The following SLC16A6 variants were observed in gnomAD, a reference collection of about 807,000 sequenced individuals.
SLC16A6 encodes monocarboxylate transporter 7.
In SLC16A6, 15 loss-of-function variants were observed where a neutral mutation model predicts 33.8. The ratio of observed to expected loss-of-function variants is 0.44; its 90% CI spans 0.30 to 0.68. The LOEUF is 0.68. Ranked by LOEUF, SLC16A6 falls within the 30% of genes least tolerant of loss-of-function variation. SLC16A6 has a pLI of 0.10. For missense variants in SLC16A6, 451 were observed against 661.5 expected, an observed-to-expected ratio of 0.68 and a Z score of 3.49; for synonymous variants, 219 against 248.4, an observed-to-expected ratio of 0.88 and a Z score of 1.11.
Position 68,289,799 on chromosome 17 carries a change from G to A in SLC16A6, c.-8+1287C>T, listed in dbSNP as rs143287296. 3.4e-3 allele frequency among the ~76,000 whole-genome samples: 521 copies of A among 152,110 alleles called. 2 individuals are homozygous for A. Among genetic ancestry groups the A allele is most frequent in the African/African-American group, 0.012 (499 of 41,498 alleles). On this transcript the variant is annotated intron_variant, in intron 1 of 5. Coordinates refer to ENST00000580666, the MANE Select transcript of SLC16A6 (RefSeq NM_004694.5). ...GTTCCACTGAGGAAAGTCCTTTTTCGGAAACCACAGAAGGAAAACTCAGGG... is the reference window on the plus strand; with the variant it reads ...GTTCCACTGAGGAAAGTCCTTTTTCAGAAACCACAGAAGGAAAACTCAGGG...
intron 1 of SLC16A6, among the ~76,000 whole-genome samples, chr17:68,288,763 T>C (rs1259921572): frequency 6.6e-6 from 1 of 152,244 alleles, no homozygotes; most frequent in Non-Finnish European, 1.5e-5. Context: ...GTTGGTCTTC[T>C]TAAAGCTCTT....
intron 4 of SLC16A6, 103 bp downstream of exon 4, chr17:68,272,536 A>G: frequency 1.5e-6 from 2 of 1,332,434 alleles, no homozygotes; most frequent in African/African-American, 2.9e-5. Context: ...CATTACACAT[A>G]CACTGAAAGT....
Position 68,271,077 on chromosome 17 carries a change from A to G in SLC16A6, c.1083T>C (p.Ile361=). ...TCAATAAGATGACGCAGATGAGCTC[A>G]ATGTAAATCTTACGAATGGGCTCCC... ...LNREPIRKIY[I]ELICVILLTV... The change falls in exon 5 of 6, where the codon ATT becomes ATC. Residue 361 remains isoleucine (I), a synonymous_variant. Coordinates refer to ENST00000580666, the MANE Select transcript of SLC16A6 (RefSeq NM_004694.5). The surrounding 1 kb of genome is among the most constrained non-coding windows in gnomAD (Gnocchi z 5.3). The G allele has an allele frequency of 6.2e-7, 1 of 1,614,176 alleles. No individual in the cohort carries two copies.
At chr17:68,284,283 C>T (rs1275368454) in intron 1 of SLC16A6, among the ~76,000 whole-genome samples, 1 of 151,794 alleles carries the variant, frequency 6.6e-6, no homozygotes, top group Admixed American at 6.6e-5. Flanking sequence ...TGCCTGTAGT[C>T]CCAGCTGCTC....
At chr17:68,270,687 G>A (rs113130747) in intron 5 of SLC16A6, 152 bp downstream of exon 5, 12 of 668,086 alleles carry the variant, frequency 1.8e-5, no homozygotes, top group African/African-American at 1.6e-4. Flanking sequence ...TAAATCAAGA[G>A]GGCTGGCTCA....
rs1268312630 is a variant in SLC16A6 at position 68,273,779 on chromosome 17, GT to G, written c.376+147del. On this transcript the variant is annotated intron_variant, in intron 3 of 5. Transcript: ENST00000580666. The stretch of plus-strand genomic sequence containing the variant: ...GGTCCCCTGAAGTCCATATAGCTCA[GT>G]TCAAAACTACTGATCTGAGACACTG... 231 of 978,996 alleles carry G rather than the reference GT, an allele frequency of 2.4e-4. 2 individuals carry two copies. The Middle Eastern group carries it at 2.9e-3, about 12-fold the overall frequency. 60.6% of individuals were successfully genotyped at this position (978,996 alleles called of 1,614,324 possible).
intron 2 of SLC16A6, among the ~76,000 whole-genome samples, chr17:68,276,807 G>A (rs1022928618): frequency 6.6e-6 from 1 of 151,990 alleles, no homozygotes; most frequent in South Asian, 2.1e-4. Flanking sequence ...AAAACCCTTG[G>A]CAATTATTTC....
Position 68,271,185 on chromosome 17 carries a change from G to A in SLC16A6, c.975C>T (p.Asp325=), listed in dbSNP as rs781839512. 13 of 1,614,028 alleles carry A rather than the reference G, an allele frequency of 8.1e-6. No individual in the cohort carries two copies. In the South Asian group the frequency reaches 1.4e-4, roughly 18 times the overall value. Residue 325 remains aspartate, a synonymous_variant, in exon 5 of 6, where the codon GAC becomes GAT. Transcript: ENST00000580666. The surrounding 1 kb of genome is among the most constrained non-coding windows in gnomAD (Gnocchi z 5.3). ...ATAATAAAAAAGCAGCGCGGTCCTG[G>A]TCAATGCCCAGACTAATGCCCAGAG... is the stretch of plus-strand genomic sequence containing the variant. ...IIPLGISLGI[D]QDRAAFLLST... is the part of the protein sequence containing the mutation.
Position 68,269,340 on chromosome 17 carries a change from A to T in SLC16A6, c.1328T>A (p.Leu443Ter). 8.3e-7 allele frequency: 1 copy of T among 1,210,828 alleles called. No individual in the cohort carries two copies. Among genetic ancestry groups the T allele is most frequent in the Non-Finnish European group, 1.1e-6 (1 of 878,712 alleles). The allele number at this position is 1,210,828 out of a possible 1,614,324, so 75.0% of individuals were successfully genotyped here. Residue 443 changes from leucine (L) to a stop codon, truncating the protein, a stop_gained, in exon 6 of 6, where the codon TTG becomes TAG. Coordinates refer to ENST00000580666, the MANE Select transcript of SLC16A6 (RefSeq NM_004694.5). LOFTEE classifies it low-confidence loss of function (END_TRUNC). ...GLAGPPLAGL[L>*]VDQSKIYSRA... The stretch of plus-strand genomic sequence containing the variant: ...GCTGTAGATCTTACTTTGGTCCACC[A>T]ACAAACCTGGAAGAGAGCATGGCGT...
rs78359780 is a variant in SLC16A6 at position 68,273,878 on chromosome 17, C to T, written c.376+49G>A. The stretch of plus-strand genomic sequence containing the variant: ...AATTTCCTCCTTCCCCTTCCTTGTT[C>T]TTCAAACTAAGTGTCTAGACAACTT... On this transcript the variant is annotated intron_variant, in intron 3 of 5. Transcript: ENST00000580666. 4,639 of 1,587,442 alleles carry T rather than the reference C, an allele frequency of 2.9e-3. 103 individuals carry two copies. In the African/African-American group the frequency reaches 0.054, roughly 18 times the overall value.
intron 1 of SLC16A6, chr17:68,285,781 AT>A (rs2075827421): frequency 6.7e-6 from 1 of 149,724 alleles, no homozygotes; most frequent in South Asian, 2.1e-4. Flanking sequence ...TTTTTTTTTA[AT>A]TTATGTTTTG....
intron 5 of SLC16A6, among the ~76,000 whole-genome samples, chr17:68,270,167 A>T (rs1440787031): frequency 1.3e-5 from 2 of 152,190 alleles, no homozygotes; most frequent in African/African-American, 4.8e-5. Context: ...GACTTACAGA[A>T]GTCCATTAGT....
chr17:68,278,745 G>A (rs768239830), intron 1 of SLC16A6, among the ~76,000 whole-genome samples: 8 of 150,290 alleles, frequency 5.3e-5, no homozygotes, highest in Non-Finnish European at 8.9e-5. Flanking sequence ...TCAGCCTCCC[G>A]AGTAGCTGGG....
chr17:68,288,602 A>G (rs1369737380), intron 1 of SLC16A6, among the ~76,000 whole-genome samples: 1 of 152,170 alleles, frequency 6.6e-6, no homozygotes, highest in African/African-American at 2.4e-5. Flanking sequence ...TTCAATGTCA[A>G]TGTAAAATCA....
chr17:68,275,910 G>A (rs1200863772), intron 2 of SLC16A6, among the ~76,000 whole-genome samples: 1 of 151,368 alleles, frequency 6.6e-6, no homozygotes, highest in Non-Finnish European at 1.5e-5. Context: ...TTGAACCTGG[G>A]AGGCGGAGGT....
intron 1 of SLC16A6, among the ~76,000 whole-genome samples, chr17:68,286,403 A>G (rs2075843174): frequency 6.6e-6 from 1 of 152,208 alleles, no homozygotes. Flanking sequence ...TAAAATCGGG[A>G]AACTGATCCC....
At chr17:68,274,595 T>A (rs1390158026) in intron 2 of SLC16A6, 1 of 152,306 alleles carries the variant, frequency 6.6e-6, no homozygotes, top group African/African-American at 2.4e-5. Context: ...AGTATAAAAC[T>A]TTTATCTATA....
At chr17:68,277,321 G>A (rs1161006336) in intron 2 of SLC16A6, among the ~76,000 whole-genome samples, 1 of 151,944 alleles carries the variant, frequency 6.6e-6, no homozygotes, top group Admixed American at 6.6e-5. Flanking sequence ...TAGTAGAGAG[G>A]GGGTTTCACT....
At chr17:68,282,947 CAAAA>C (rs113598461) in intron 1 of SLC16A6, 3 of 90,758 alleles carry the variant, frequency 3.3e-5, no homozygotes, top group Non-Finnish European at 2.3e-5. Context: ...GACTCTGTCT[CAAAA>C]AAAAAAAAAA....
Sources: gnomAD v4.1 joint callset for allele counts (sites outside exome capture counted in the v4.1 genomes callset) on GRCh38, gnomAD v4.1.1 for gene constraint, Gnocchi (gnomAD v3.1) non-coding constraint, MANE v1.5 for transcripts, NCBI Gene and HGNC (gene_info 2026-07-23, HGNC 2026-07-21) for gene names.